PTGIS: variants seen among roughly 807,000 people sequenced by gnomAD.
PTGIS encodes prostaglandin I2 synthase.
In PTGIS, 45 loss-of-function variants were observed where a neutral mutation model predicts 50.3. The ratio of observed to expected loss-of-function variants is 0.90; its 90% confidence interval spans 0.70 to 1.15. PTGIS has a LOEUF of 1.15. PTGIS is among the 50% of genes most tolerant of loss of function. The pLI, the probability that PTGIS is intolerant of heterozygous loss-of-function variation, is 0.00. For synonymous variants in PTGIS, 260 were observed against 267.7 expected (o/e 0.97, Z 0.28); for missense variants, 668 against 661.3 (o/e 1.01, Z -0.11).
At chr20:49,508,126 A>T in intron 9 of PTGIS, 62 bp from the exon 10 acceptor site, 1 of 1,591,164 alleles carries the variant, frequency 6.3e-7, no homozygotes, top group Non-Finnish European at 8.6e-7. Context: ...TATCGGGAAC[A>T]AGGCAGGGGA....
intron 3 of PTGIS, 118 bp downstream of exon 3, chr20:49,547,723 T>C (rs914488023): frequency 1.6e-5 from 20 of 1,218,134 alleles, no homozygotes. Flanking sequence ...GTTTGTGTTC[T>C]CAAGACAAAA....
rs1982201676 is a variant in PTGIS at position 49,540,655 on chromosome 20, G to T, written c.522-934C>A. The stretch of plus-strand genomic sequence containing the variant: ...TGAGCTCTCATGTGCTCTCACTGAG[G>T]CACACTTACGCACACGCACACGCAC... On this transcript the variant is annotated intron_variant, in intron 4 of 9. Coordinates refer to ENST00000244043, the MANE Select transcript of PTGIS (RefSeq NM_000961.4). This position sits in a 1 kb window ranked among gnomAD's most constrained non-coding sequence, Gnocchi z 4.8. 6.6e-6 allele frequency among the ~76,000 whole-genome samples: 1 copy of T among 151,468 alleles called. No individual in the cohort carries two copies.
chr20:49,522,436 C>T (rs1463285509), intron 6 of PTGIS, among the ~76,000 whole-genome samples: 4 of 152,208 alleles, frequency 2.6e-5, no homozygotes, highest in Middle Eastern at 6.8e-3. Flanking sequence ...CCCTGTCCTC[C>T]TGACCCCCCA....
At chr20:49,524,762 A>G (rs1405708282) in intron 5 of PTGIS, among the ~76,000 whole-genome samples, 1 of 152,190 alleles carries the variant, frequency 6.6e-6, no homozygotes, top group Non-Finnish European at 1.5e-5. Flanking sequence ...GAAACCACTT[A>G]CAAAATCATC....
intron 5 of PTGIS, among the ~76,000 whole-genome samples, chr20:49,532,000 G>A (rs992992015): frequency 6.6e-5 from 10 of 152,146 alleles, no homozygotes; most frequent in Admixed American, 3.3e-4. Flanking sequence ...GCAAGCCCCA[G>A]GGAGTTATGG....
At chr20:49,536,511 C>T in intron 5 of PTGIS, among the ~76,000 whole-genome samples, 1 of 122,490 alleles carries the variant, frequency 8.2e-6, no homozygotes, top group African/African-American at 3.3e-5. Flanking sequence ...GACGGAGTCT[C>T]ACTCTGTCGC....
At chr20:49,522,723 G>A (rs550553118) in intron 6 of PTGIS, among the ~76,000 whole-genome samples, 40 of 152,246 alleles carry the variant, frequency 2.6e-4, no homozygotes, top group Admixed American at 5.2e-4. Flanking sequence ...CACAGAAACC[G>A]TGCCAGATTA....
At chr20:49,534,872 GGCA>G (rs1982029930) in intron 5 of PTGIS, among the ~76,000 whole-genome samples, 1 of 152,188 alleles carries the variant, frequency 6.6e-6, no homozygotes, top group Non-Finnish European at 1.5e-5. Context: ...CAGGCTCAGT[GGCA>G]CGTGCCTGTA....
In PTGIS at chr20:49,550,090, C is replaced by A; in HGVS notation, c.174G>T (p.Lys58Asn). 6.2e-7 allele frequency: 1 copy of A among 1,614,198 alleles called. No homozygotes were observed. The highest frequency in any genetic ancestry group is 8.5e-7 in the Non-Finnish European group (1 of 1,180,034). Reference protein sequence around the residue: ...KDAASFLTRMKEKHGDIFTIL... With the variant: ...KDAASFLTRMNEKHGDIFTIL... ...CAGTAAAGATGTCACCGTGCTTCTC[C>A]TTCATCCTCGTGAGGAAGCTGGCAG... Residue 58 changes from lysine to asparagine, a missense_variant, in exon 2 of 10, where the codon AAG (lysine) becomes AAT (asparagine). Physicochemically the swap from Lys to Asn is moderately conservative, Grantham distance 94. Coordinates refer to ENST00000244043, the MANE Select transcript of PTGIS (RefSeq NM_000961.4).
chr20:49,525,197 G>A (rs1466202812), intron 5 of PTGIS, among the ~76,000 whole-genome samples: 1 of 152,218 alleles, frequency 6.6e-6, no homozygotes, highest in East Asian at 1.9e-4. Flanking sequence ...AGGGGCCATG[G>A]CACTTAGCCC....
rs1601173938 is a variant in PTGIS at position 49,506,837 on chromosome 20, A to C, written c.*1083T>G. The C allele has an allele frequency of 6.6e-6, 1 of 152,396 alleles. No homozygotes were observed. The highest frequency in any genetic ancestry group is 1.9e-4 in the East Asian group (1 of 5,190). The allele number at this position is 152,396 out of a possible 1,614,324, so 9.4% of individuals were successfully genotyped here. ...CAGGAGGCGCTGTGAATGCAGAAGC[A>C]GACCCGGTCAGAACCCTGGTGAAGC... On this transcript the variant is annotated 3_prime_UTR_variant, in exon 10 of 10. Transcript: ENST00000244043.
At chr20:49,542,865 GTCTCAGTTT>G (rs1458982870) in intron 4 of PTGIS, among the ~76,000 whole-genome samples, 3 of 152,046 alleles carry the variant, frequency 2.0e-5, no homozygotes, top group Non-Finnish European at 2.9e-5. Flanking sequence ...GGCTCTCCAG[GTCTCAGTTT>G]TCTCATCTGT....
chr20:49,535,991 CTT>C (rs1982058661), intron 5 of PTGIS, among the ~76,000 whole-genome samples: 2 of 152,170 alleles, frequency 1.3e-5, no homozygotes, highest in Admixed American at 1.3e-4. Flanking sequence ...ATTGGTTTCT[CTT>C]GTTTAATTGC....
intron 5 of PTGIS, among the ~76,000 whole-genome samples, chr20:49,525,467 A>G (rs1008093836): frequency 1.8e-4 from 27 of 152,332 alleles, no homozygotes; most frequent in Non-Finnish European, 1.5e-5. Flanking sequence ...CAGCAGTGAA[A>G]GTGAGTTAGT....
chr20:49,513,111 TG>T lies in PTGIS; in HGVS notation c.1174del (p.Gln392ArgfsTer19). The T allele has an allele frequency of 1.2e-6, 2 of 1,611,058 alleles. No individual in the cohort carries two copies. The highest frequency in any genetic ancestry group is 1.7e-6 in the Non-Finnish European group (2 of 1,178,744). On this transcript the variant is annotated frameshift_variant, in exon 8 of 10. Transcript: ENST00000244043. LOFTEE classifies it high-confidence loss of function. ...RLLLFPFLSP[Q>X]RDPEIYTDPE... ...GTCTGTGTAGATTTCTGGGTCTCTC[TG>T]GGGGCTCAGGAAGGGGAAGAGGAGG...
chr20:49,515,776 A>C (rs1981457510), intron 6 of PTGIS, among the ~76,000 whole-genome samples: 2 of 152,224 alleles, frequency 1.3e-5, no homozygotes, highest in Non-Finnish European at 2.9e-5. Flanking sequence ...GTGGGACTGT[A>C]GCCAAGACAC....
At chr20:49,529,945 G>A (rs545382897) in intron 5 of PTGIS, among the ~76,000 whole-genome samples, 26 of 152,156 alleles carry the variant, frequency 1.7e-4, no homozygotes, top group South Asian at 6.2e-4. Context: ...ACCTGAGGTC[G>A]GGAGTTCGAG....
rs1169589986 is a variant in PTGIS at position 49,514,290 on chromosome 20, C to G, written c.961G>C (p.Glu321Gln). Residue 321 changes from glutamate (E) to glutamine (Q), a missense_variant, in exon 7 of 10, where the codon GAG becomes CAG. Glu to Gln is a conservative substitution (Grantham distance 29, BLOSUM62 2). Coordinates refer to ENST00000244043, the MANE Select transcript of PTGIS (RefSeq NM_000961.4). Reference protein sequence around the residue: ...GELESILWQAEQPVSQTTTLP... With the variant: ...GELESILWQAQQPVSQTTTLP... ...GTGGTCGTCTGCGAGACAGGCTGCTCCGCTTGCCAAAGGATACTCTCGAGC... is the reference window on the plus strand; with the variant it reads ...GTGGTCGTCTGCGAGACAGGCTGCTGCGCTTGCCAAAGGATACTCTCGAGC... 6.2e-7 allele frequency: 1 copy of G among 1,614,128 alleles called. No individual in the cohort carries two copies. Among genetic ancestry groups the G allele is most frequent in the African/African-American group, 1.3e-5 (1 of 75,060 alleles).
intron 1 of PTGIS, among the ~76,000 whole-genome samples, chr20:49,559,332 C>G (rs1982703245): frequency 6.6e-6 from 1 of 152,146 alleles, no homozygotes; most frequent in Admixed American, 6.5e-5. Context: ...AGACACATTC[C>G]TCCTCTTGCC....
Sources: allele counts gnomAD v4.1 joint callset (sites outside exome capture counted in the v4.1 genomes callset), GRCh38; gene constraint gnomAD v4.1.1; non-coding constraint Gnocchi (gnomAD v3.1); transcripts MANE v1.5; gene names NCBI Gene and HGNC (gene_info 2026-07-23, HGNC 2026-07-21).